Variants in EML5 observed in about 807,000 individuals in gnomAD.
The protein encoded by EML5 is echinoderm microtubule-associated protein-like 5.
A neutral mutation model predicts 250.0 loss-of-function variants in EML5; 120 were observed. That is an observed-to-expected ratio of 0.48 (90% CI 0.41 to 0.56). EML5 has a LOEUF of 0.56. EML5 is among the 20% of genes least tolerant of loss of function. EML5 has a pLI of 0.00. For synonymous variants in EML5, 771 were observed against 806.5 expected, an observed-to-expected ratio of 0.96 and a Z score of 0.75; for missense variants, 2,006 against 2,437.6, an observed-to-expected ratio of 0.82 and a Z score of 3.73.
chr14:88,740,282 C>T, intron 5 of EML5, 105 bp downstream of exon 5: 1 of 950,916 alleles, frequency 1.1e-6, no homozygotes. Flanking sequence ...CATTTTCAAG[C>T]AACCAAACTG....
chr14:88,736,577 T>G lies in EML5; in HGVS notation c.848-12A>C. On this transcript the variant is annotated splice_polypyrimidine_tract_variant and intron_variant, in intron 6 of 43. Coordinates refer to ENST00000554922, the MANE Select transcript of EML5 (RefSeq NM_183387.3). ...CCTTACAGACAAACCTAGTAAAAAG[T>G]AAATTGTATTTAATATATAATGCTG... The G allele has an allele frequency of 6.2e-7, 1 of 1,612,236 alleles. No individual in the cohort carries two copies. Among genetic ancestry groups the G allele is most frequent in the Non-Finnish European group, 8.5e-7 (1 of 1,178,540 alleles).
intron 1 of EML5, among the ~76,000 whole-genome samples, chr14:88,777,040 A>G (rs1245778142): frequency 6.6e-6 from 1 of 152,186 alleles, no homozygotes; most frequent in Non-Finnish European, 1.5e-5. Context: ...ACAACAGAAA[A>G]AGATATCCCC....
At chr14:88,652,848 C>T (rs940880974) in intron 27 of EML5, among the ~76,000 whole-genome samples, 1 of 152,110 alleles carries the variant, frequency 6.6e-6, no homozygotes, top group Non-Finnish European at 1.5e-5. Flanking sequence ...TCATCTAGCT[C>T]AGAGACTTTA....
intron 14 of EML5, among the ~76,000 whole-genome samples, chr14:88,697,722 G>A (rs2141365554): frequency 6.6e-6 from 1 of 152,094 alleles, no homozygotes; most frequent in East Asian, 1.9e-4. Flanking sequence ...AGTTAATTTT[G>A]AGACTGATTT....
intron 2 of EML5, among the ~76,000 whole-genome samples, chr14:88,749,985 T>C (rs1317549868): frequency 1.3e-5 from 2 of 152,228 alleles, no homozygotes; most frequent in African/African-American, 4.8e-5. Context: ...TATGTTTTTG[T>C]AAATAAAGTT....
chr14:88,779,401 A>G (rs1050568504), intron 1 of EML5, among the ~76,000 whole-genome samples: 6 of 152,228 alleles, frequency 3.9e-5, no homozygotes, highest in Non-Finnish European at 7.3e-5. Context: ...CCTATGGCTA[A>G]TTACTTAATG....
Position 88,750,567 on chromosome 14 carries a change from T to G in EML5, c.357+3945A>C, listed in dbSNP as rs1043040081. ...TATTATTATTACTATTAGTTTACCATAACCTTAATTAGCTTTAAGAACCTA... is the reference window on the plus strand; with the variant it reads ...TATTATTATTACTATTAGTTTACCAGAACCTTAATTAGCTTTAAGAACCTA... On this transcript the variant is annotated intron_variant, in intron 2 of 43. Transcript: ENST00000554922. Among the ~76,000 whole-genome samples, 3 of 152,310 alleles carry G rather than the reference T, an allele frequency of 2.0e-5. No homozygotes were observed. The East Asian group carries it at 5.8e-4, about 29-fold the overall frequency.
In EML5 at chr14:88,612,467, T is replaced by C. The variant is rs908504058; in HGVS notation, c.*3351A>G. On this transcript the variant is annotated 3_prime_UTR_variant, in exon 44 of 44. Transcript: ENST00000554922. ...CATTTACTAATAACATAATGCCTTC[T>C]AAATAATTTTTTTGGGAAACTACAT... is the stretch of plus-strand genomic sequence containing the variant. 5.3e-5 allele frequency: 8 copies of C among 152,274 alleles called. No individual in the cohort carries two copies. The highest frequency in any genetic ancestry group is 1.7e-4 in the African/African-American group (7 of 41,458). 9.4% of individuals were successfully genotyped at this position (152,274 alleles called of 1,614,324 possible).
At chr14:88,663,388 GTT>G (rs1189097181) in intron 23 of EML5, among the ~76,000 whole-genome samples, 1 of 151,984 alleles carries the variant, frequency 6.6e-6, no homozygotes, top group Non-Finnish European at 1.5e-5. Context: ...AGAAACAAAT[GTT>G]AAAATATTTT....
intron 19 of EML5, 133 bp downstream of exon 19, chr14:88,687,083 T>A: frequency 1.5e-6 from 1 of 661,600 alleles, no homozygotes; most frequent in Non-Finnish European, 2.6e-6. Context: ...AGTTAAGTGA[T>A]TTCTTCCACT....
chr14:88,745,041 G>A (rs1595750582), intron 3 of EML5, among the ~76,000 whole-genome samples: 1 of 152,066 alleles, frequency 6.6e-6, no homozygotes, highest in East Asian at 1.9e-4. Context: ...GTCATATTTT[G>A]TAACGGGTCT....
chr14:88,613,562 TC>T lies in EML5; in HGVS notation c.*2255del, dbSNP rs1311192150. On this transcript the variant is annotated 3_prime_UTR_variant, in exon 44 of 44. Coordinates refer to ENST00000554922, the MANE Select transcript of EML5 (RefSeq NM_183387.3). Reference sequence around the variant, plus strand: ...CCCAGACACATATTTAAGAGTTTAATCTTTCAGTTGCTATGGCTTATGAACA... The same window carrying T: ...CCCAGACACATATTTAAGAGTTTAATTTTCAGTTGCTATGGCTTATGAACA... 1 of 152,132 alleles carries T rather than the reference TC, an allele frequency of 6.6e-6. No individual in the cohort carries two copies. The highest frequency in any genetic ancestry group is 6.5e-5 in the Admixed American group (1 of 15,270). The allele number at this position is 152,132 out of a possible 1,614,324, so 9.4% of individuals were successfully genotyped here. A position where few individuals can be genotyped will look rare whatever the true frequency, so the allele number is the denominator to read the frequency against.
chr14:88,688,547 C>A, intron 17 of EML5, 74 bp from the exon 18 acceptor site: 2 of 1,465,914 alleles, frequency 1.4e-6, no homozygotes, highest in Admixed American at 1.8e-5. Flanking sequence ...AGTTTCTTTT[C>A]TACTGTTGTT....
rs766482460 is a variant in EML5 at position 88,696,901 on chromosome 14, A to ATGGTT, written c.2285_2289dup (p.Leu764AsnfsTer6). 1 of 1,610,192 alleles carries ATGGTT rather than the reference A, an allele frequency of 6.2e-7. No homozygotes were observed. Among genetic ancestry groups the ATGGTT allele is most frequent in the Non-Finnish European group, 8.5e-7 (1 of 1,178,024 alleles). On this transcript the variant is annotated frameshift_variant, in exon 15 of 44. Coordinates refer to ENST00000554922, the MANE Select transcript of EML5 (RefSeq NM_183387.3). LOFTEE classifies it high-confidence loss of function. ...TGGTGGTGGCCCTTTAATATGGACA[A>ATGGTT]TGGTTTAATGGTCTCTGTATCCCAT...
chr14:88,664,614 T>C lies in EML5; in HGVS notation c.3288A>G (p.Lys1096=), dbSNP rs2092251012. ...SDIRFSPGSG[K]YLAVASHDSF... ...TGTCATGGGATGCTACAGCAAGATA[T>C]TTCCCAGAACCTATAATAGAAACAT... Residue 1096 remains lysine, a synonymous_variant, in exon 23 of 44, where the codon AAA becomes AAG. Coordinates refer to ENST00000554922, the MANE Select transcript of EML5 (RefSeq NM_183387.3). The C allele has an allele frequency of 6.2e-7, 1 of 1,605,860 alleles. No individual in the cohort carries two copies. The highest frequency in any genetic ancestry group is 1.1e-5 in the South Asian group (1 of 88,448).
chr14:88,759,706 T>TAAAAAAAAAAAAAAAAAAAAAAA (rs2094212320), intron 1 of EML5, among the ~76,000 whole-genome samples: 1 of 66,164 alleles, frequency 1.5e-5, no homozygotes, highest in African/African-American at 8.7e-5. Context: ...AAAAAAAAAC[T>TAAAAAAAAAAAAAAAAAAAAAAA]GGGGAGAAAA....
chr14:88,615,802 G>C lies in EML5; in HGVS notation c.*16C>G, dbSNP rs772518655. The C allele has an allele frequency of 1.9e-6, 3 of 1,608,844 alleles. No homozygotes were observed. The South Asian group carries it at 3.4e-5, about 18-fold the overall frequency. On this transcript the variant is annotated 3_prime_UTR_variant, in exon 44 of 44. Coordinates refer to ENST00000554922, the MANE Select transcript of EML5 (RefSeq NM_183387.3). ...TCTGGTCTCAAAGTTAATTTCTGTAGTCATCTCAGCATCTCTCAGTGAGGT... is the reference window on the plus strand; with the variant it reads ...TCTGGTCTCAAAGTTAATTTCTGTACTCATCTCAGCATCTCTCAGTGAGGT...
intron 8 of EML5, among the ~76,000 whole-genome samples, chr14:88,721,592 C>T (rs1359017258): frequency 6.6e-6 from 1 of 152,124 alleles, no homozygotes; most frequent in Non-Finnish European, 1.5e-5. Flanking sequence ...GGACCCCTTC[C>T]TTACACCTTA....
Position 88,754,585 on chromosome 14 carries a change from A to G in EML5, c.284T>C (p.Val95Ala). The G allele has an allele frequency of 6.2e-7, 1 of 1,613,736 alleles. No homozygotes were observed. ...ATCCTTTAAAACTGATATGGTCTGC[A>G]CAGTGTATGAATCCCAAATACAAAT... The part of the protein sequence containing the change: ...PYICIWDSYT[V>A]QTISVLKDVH... The change falls in exon 2 of 44, where the codon GTG becomes GCG. Residue 95 changes from valine (V) to alanine (A), a missense_variant. Around this residue, in one of 7 missense-constraint regions of EML5, gnomAD observed 162 missense variants for 212.2 expected, o/e 0.76. Transcript: ENST00000554922.
Sources: gnomAD v4.1 joint callset for allele counts (sites outside exome capture counted in the v4.1 genomes callset) on GRCh38, gnomAD v4.1.1 for gene constraint, gnomAD v4.1.1 regional missense constraint, MANE v1.5 for transcripts, NCBI Gene and HGNC (gene_info 2026-07-23, HGNC 2026-07-21) for gene names.